Variants in FAM3B observed in about 807,000 individuals in gnomAD.
FAM3B encodes FAM3 metabolism regulating signaling molecule B, also known as protein FAM3B.
Under a neutral mutation model 28.4 loss-of-function variants are expected in FAM3B, and 29 were observed. The observed-to-expected ratio is 1.02, with a 90% CI of 0.76 to 1.39. The LOEUF (loss-of-function observed/expected upper bound fraction) is 1.39, where lower values mean the gene tolerates loss of function less well. Ranked by LOEUF, FAM3B falls within the 40% of genes most tolerant of loss-of-function variation. The pLI is 0.00. For missense variants in FAM3B, 266 were observed against 293.9 expected (o/e 0.91, Z 0.69); for synonymous variants, 91 against 103.0 (o/e 0.88, Z 0.71).
chr21:41,316,611 G>A, upstream of FAM3B: 1 of 357,764 alleles, frequency 2.8e-6, no homozygotes, highest in Non-Finnish European at 5.0e-6. Context: ...GGGTCAGCCC[G>A]GCGGGGAACG....
At chr21:41,310,785 C>T (rs937071788) in intron 1 of FAM3B, among the ~76,000 whole-genome samples, 7 of 152,200 alleles carry the variant, frequency 4.6e-5, no homozygotes, top group Non-Finnish European at 8.8e-5. Context: ...GCAAGCCTGG[C>T]TGCTCCCAGC....
chr21:41,332,991 T>C (rs1458650688), intron 2 of FAM3B, among the ~76,000 whole-genome samples: 1 of 152,110 alleles, frequency 6.6e-6, no homozygotes, highest in Non-Finnish European at 1.5e-5. Flanking sequence ...CTTAGTTTGT[T>C]CTTCATTTTC....
At chr21:41,347,144 A>C (rs1162289513) in intron 6 of FAM3B, 44 bp downstream of exon 6, 1 of 1,567,710 alleles carries the variant, frequency 6.4e-7, no homozygotes, top group East Asian at 2.2e-5. Context: ...AAGAGAAGCC[A>C]GCTGGGGCAG....
upstream of FAM3B, among the ~76,000 whole-genome samples, chr21:41,315,881 G>A (rs970770817): frequency 2.0e-5 from 3 of 152,150 alleles, no homozygotes; most frequent in Non-Finnish European, 2.9e-5. Flanking sequence ...GGGCACCTTG[G>A]GCTTCTTGAG....
chr21:41,307,348 G>A (rs545288439), intron 1 of FAM3B, among the ~76,000 whole-genome samples: 1 of 152,302 alleles, frequency 6.6e-6, no homozygotes, highest in African/African-American at 2.4e-5. Context: ...TTTGGCTTGA[G>A]GAAATATCAT....
In FAM3B at chr21:41,357,518, C is replaced by T. The variant is rs1335763346; in HGVS notation, c.*321C>T. On this transcript the variant is annotated 3_prime_UTR_variant, in exon 8 of 8. Coordinates refer to ENST00000357985, the MANE Select transcript of FAM3B (RefSeq NM_058186.4). ...ATGTTATGATCAGATCGAAGTGTGA[C>T]CCCTGTGTGGTCCAGACAGCCCTGC... 1 of 194,142 alleles carries T rather than the reference C, an allele frequency of 5.2e-6. No individual in the cohort carries two copies. The highest frequency in any genetic ancestry group is 9.0e-5 in the South Asian group (1 of 11,096). 12.0% of individuals were successfully genotyped at this position (194,142 alleles called of 1,614,324 possible).
In FAM3B at chr21:41,347,126, C is replaced by T. The variant is rs190096507; in HGVS notation, c.485+26C>T. On this transcript the variant is annotated intron_variant, in intron 6 of 7. Coordinates refer to ENST00000357985, the MANE Select transcript of FAM3B (RefSeq NM_058186.4). Reference sequence around the variant, plus strand: ...GTGAGTGGGTGTAGGTCTGTCACAGCGGTGGGCAAGAGAAGCCAGCTGGGG... The same window carrying T: ...GTGAGTGGGTGTAGGTCTGTCACAGTGGTGGGCAAGAGAAGCCAGCTGGGG... 8,961 of 1,607,998 alleles carry T rather than the reference C, an allele frequency of 5.6e-3. 41 individuals are homozygous for T. The highest frequency in any genetic ancestry group is 6.7e-3 in the Non-Finnish European group (7,813 of 1,174,484).
Position 41,338,472 on chromosome 21 carries a change from G to C in FAM3B, c.258G>C (p.Lys86Asn). The stretch of plus-strand genomic sequence containing the variant: ...TACTCAGCGGAGGTGGCAGAAGCAA[G>C]TACGCCAAAATCTGCTTTGAGGATA... The part of the protein sequence containing the change: ...YRLLSGGGRS[K>N]YAKICFEDNL... Residue 86 changes from lysine (K) to asparagine (N), a missense_variant, in exon 3 of 8, where the codon AAG (lysine) becomes AAC (asparagine). Lys to Asn is a moderately conservative substitution (Grantham distance 94). Coordinates refer to ENST00000357985, the MANE Select transcript of FAM3B (RefSeq NM_058186.4). The C allele has an allele frequency of 6.2e-7, 1 of 1,614,194 alleles. No individual in the cohort carries two copies. The highest frequency in any genetic ancestry group is 8.5e-7 in the Non-Finnish European group (1 of 1,180,028).
Position 41,304,611 on chromosome 21 carries a change from G to A in FAM3B, n.99+301G>A, listed in dbSNP as rs547217636. On this transcript the variant is annotated intron_variant and non_coding_transcript_variant, in intron 1 of 9. Coordinates refer to the FAM3B transcript ENST00000479810. ...CATGGACCCCAGGCTCTGGCCCAAGGCCTCCTGGCTTGCCCCGGCCTGCAG... is the reference window on the plus strand; with the variant it reads ...CATGGACCCCAGGCTCTGGCCCAAGACCTCCTGGCTTGCCCCGGCCTGCAG... Among the ~76,000 whole-genome samples the A allele has an allele frequency of 9.2e-4, 140 of 152,344 alleles. 1 individual carries two copies. The Middle Eastern group carries it at 0.024, about 26-fold the overall frequency.
intron 3 of FAM3B, among the ~76,000 whole-genome samples, chr21:41,343,927 G>C (rs930567443): frequency 6.6e-6 from 1 of 152,144 alleles, no homozygotes; most frequent in Non-Finnish European, 1.5e-5. Flanking sequence ...AGACCGCCCT[G>C]AGCAGTATGG....
At chr21:41,316,717 C>A, upstream of FAM3B, 1 of 537,016 alleles carries the variant, frequency 1.9e-6, no homozygotes, top group Non-Finnish European at 2.9e-6. Flanking sequence ...GCGCACCTGC[C>A]GGGTCCGCAC....
intron 7 of FAM3B, among the ~76,000 whole-genome samples, chr21:41,349,913 C>CAA (rs2089101193): frequency 1.3e-5 from 2 of 151,766 alleles, no homozygotes; most frequent in Non-Finnish European, 2.9e-5. Flanking sequence ...GGGAATGTTT[C>CAA]CCGGGGCCCT....
At chr21:41,351,649 C>A (rs945228011) in intron 7 of FAM3B, among the ~76,000 whole-genome samples, 2 of 152,188 alleles carry the variant, frequency 1.3e-5, no homozygotes, top group East Asian at 3.9e-4. Flanking sequence ...TTGGGAGGGC[C>A]TCCTGAGTCC....
At chr21:41,318,146 C>T (rs957855415) in intron 1 of FAM3B, among the ~76,000 whole-genome samples, 2 of 152,052 alleles carry the variant, frequency 1.3e-5, no homozygotes, top group East Asian at 1.9e-4. Context: ...GGGGTCCTTT[C>T]GTAGGAAGCT....
chr21:41,322,588 G>A (rs1006992449), intron 1 of FAM3B: 2 of 717,230 alleles, frequency 2.8e-6, no homozygotes, highest in Admixed American at 4.0e-5. Flanking sequence ...GTTTTTTCAG[G>A]TTCACGTTGG....
chr21:41,348,307 T>C (rs2089082651), intron 6 of FAM3B, among the ~76,000 whole-genome samples: 1 of 152,056 alleles, frequency 6.6e-6, no homozygotes, highest in Non-Finnish European at 1.5e-5. Flanking sequence ...GAGCCTGAGA[T>C]TGAACCCCAA....
intron 3 of FAM3B, among the ~76,000 whole-genome samples, chr21:41,342,491 C>G (rs2089016119): frequency 6.6e-6 from 1 of 152,166 alleles, no homozygotes; most frequent in Admixed American, 6.5e-5. Context: ...ACTATAGTCT[C>G]TAGAGCCTAT....
At chr21:41,324,059 C>A (rs1010583138) in intron 2 of FAM3B, among the ~76,000 whole-genome samples, 2 of 152,148 alleles carry the variant, frequency 1.3e-5, no homozygotes, top group African/African-American at 4.8e-5. Flanking sequence ...TATAAGGGCA[C>A]TACTCCCATT....
intron 2 of FAM3B, 48 bp downstream of exon 2, chr21:41,323,114 A>G (rs1446974686): frequency 2.5e-6 from 4 of 1,590,544 alleles, no homozygotes; most frequent in Non-Finnish European, 3.4e-6. Flanking sequence ...GCTTGTGTGC[A>G]GAGGGAGGAG....
Sources: gnomAD v4.1 joint callset for allele counts (sites outside exome capture counted in the v4.1 genomes callset) on GRCh38, gnomAD v4.1.1 for gene constraint, MANE v1.5 for transcripts, NCBI Gene and HGNC (gene_info 2026-07-23, HGNC 2026-07-21) for gene names.